Variants in NEO1 observed in about 807,000 individuals in gnomAD.
NEO1 encodes the protein neogenin 1, also known as neogenin.
Under a neutral mutation model 159.7 loss-of-function variants are expected in NEO1, and 63 were observed. The ratio of observed to expected loss-of-function variants is 0.39; its 90% CI spans 0.32 to 0.49. The LOEUF is 0.49. Among genes scored for constraint, NEO1 ranks in the 20% least tolerant of loss-of-function variants. The pLI, the probability that NEO1 is intolerant of heterozygous loss-of-function variation, is 0.85. For synonymous variants in NEO1, 633 were observed against 662.0 expected, an observed-to-expected ratio of 0.96 and a Z score of 0.67; for missense variants, 1,615 against 1,831.0, an observed-to-expected ratio of 0.88 and a Z score of 2.15.
chr15:73,176,538 G>A lies in NEO1; in HGVS notation c.1151G>A (p.Ser384Asn). The change falls in exon 6 of 29, where the codon AGT becomes AAT. Residue 384 changes from serine (S) to asparagine (N), a missense_variant. Ser to Asn is a conservative substitution (Grantham distance 46). Around this residue, in one of 3 missense-constraint regions of NEO1, gnomAD observed 1,018 missense variants for 1,115.4 expected, o/e 0.91. Transcript: ENST00000261908. ...WVKNGDMVIP[S>N]DYFKIVKEHN... The stretch of plus-strand genomic sequence containing the variant: ...AAAAATGGGGATATGGTTATCCCAA[G>A]TGATTATTTTAAGATTGTAGTAAGT... The A allele has an allele frequency of 6.2e-7, 1 of 1,608,482 alleles. No homozygotes were observed. The highest frequency in any genetic ancestry group is 1.1e-5 in the South Asian group (1 of 89,410).
chr15:73,180,502 T>G (rs1408688089), intron 7 of NEO1, among the ~76,000 whole-genome samples: 1 of 152,204 alleles, frequency 6.6e-6, no homozygotes, highest in Non-Finnish European at 1.5e-5. Flanking sequence ...GTAGATAGGC[T>G]TATTTCTTTT....
At chr15:73,198,127 A>G (rs907449490) in intron 7 of NEO1, among the ~76,000 whole-genome samples, 4 of 151,566 alleles carry the variant, frequency 2.6e-5, no homozygotes, top group African/African-American at 7.3e-5. Flanking sequence ...TTTTCTTTCT[A>G]TTTATCAAAT....
chr15:73,194,774 A>T (rs886756345), intron 7 of NEO1, among the ~76,000 whole-genome samples: 1 of 152,202 alleles, frequency 6.6e-6, no homozygotes, highest in Admixed American at 6.5e-5. Context: ...ACAAAAGAAG[A>T]TGGCACAAGA....
intron 1 of NEO1, among the ~76,000 whole-genome samples, chr15:73,058,685 T>C (rs1271410220): frequency 6.6e-6 from 1 of 152,204 alleles, no homozygotes; most frequent in East Asian, 1.9e-4. Context: ...TTGAAGGTTT[T>C]ACCACTTTTA....
intron 1 of NEO1, among the ~76,000 whole-genome samples, chr15:73,073,656 G>C (rs914303054): frequency 3.9e-5 from 6 of 152,118 alleles, no homozygotes; most frequent in Non-Finnish European, 8.8e-5. Flanking sequence ...CGAGAGGGAA[G>C]GAACATAAGA....
intron 23 of NEO1, among the ~76,000 whole-genome samples, chr15:73,283,755 C>G (rs1461150565): frequency 6.6e-6 from 1 of 152,310 alleles, no homozygotes; most frequent in East Asian, 1.9e-4. Context: ...TCTGTACATG[C>G]CCACAGTGAA....
intron 5 of NEO1, among the ~76,000 whole-genome samples, chr15:73,149,022 A>G (rs550905014): frequency 6.6e-6 from 1 of 152,070 alleles, no homozygotes; most frequent in Non-Finnish European, 1.5e-5. Context: ...GATGATTTCA[A>G]ATACAGAGTT....
intron 1 of NEO1, among the ~76,000 whole-genome samples, chr15:73,113,527 G>A (rs911082517): frequency 4.6e-5 from 7 of 152,104 alleles, no homozygotes; most frequent in Admixed American, 4.6e-4. Context: ...GGGAAACATG[G>A]CCACATCTGT....
At chr15:73,160,618 G>C (rs778579710) in intron 5 of NEO1, among the ~76,000 whole-genome samples, 3 of 152,122 alleles carry the variant, frequency 2.0e-5, no homozygotes, top group Non-Finnish European at 4.4e-5. Flanking sequence ...TAATTTGCTA[G>C]AGTGGCTCAC....
intron 3 of NEO1, among the ~76,000 whole-genome samples, chr15:73,125,175 G>A (rs549579547): frequency 4.1e-4 from 62 of 152,342 alleles, no homozygotes; most frequent in Admixed American, 1.3e-3. Flanking sequence ...AGGGAGAGTT[G>A]TGCTTGTCAA....
chr15:73,127,223 G>A (rs553515151), intron 4 of NEO1, among the ~76,000 whole-genome samples: 41 of 137,186 alleles, frequency 3.0e-4, no homozygotes, highest in African/African-American at 1.2e-3. Context: ...AGACCTAGAC[G>A]CCGTCTCAAA....
At chr15:73,264,461 T>C (rs1320241) in intron 15 of NEO1, among the ~76,000 whole-genome samples, 130,423 of 152,228 alleles carry the variant, frequency 0.86, 57,005 homozygotes, top group Non-Finnish European at 0.94. Context: ...GCGTTTGAAA[T>C]AGAGAGATGA....
At chr15:73,120,843 C>T (rs1213437804) in intron 2 of NEO1, among the ~76,000 whole-genome samples, 1 of 152,052 alleles carries the variant, frequency 6.6e-6, no homozygotes, top group Non-Finnish European at 1.5e-5. Context: ...TTTTGGTTCA[C>T]ATTTTATTTT....
At chr15:73,122,063 GTATATA>G (rs200219694) in intron 2 of NEO1, among the ~76,000 whole-genome samples, 9,429 of 126,170 alleles carry the variant, frequency 0.075, 604 homozygotes, top group African/African-American at 0.21. Flanking sequence ...GTGTGTGTGT[GTATATA>G]TATATATATA....
At position 73,302,896 on chromosome 15, in the gene NEO1, G is replaced by T; in HGVS notation, c.*200G>T. The T allele has an allele frequency of 1.9e-6, 1 of 533,484 alleles. No homozygotes were observed. 33.0% of individuals were successfully genotyped at this position (533,484 alleles called of 1,614,324 possible). A position where few individuals can be genotyped will look rare whatever the true frequency, so the allele number is the denominator to read the frequency against. On this transcript the variant is annotated 3_prime_UTR_variant, in exon 29 of 29. Coordinates refer to ENST00000261908, the MANE Select transcript of NEO1 (RefSeq NM_002499.4). Reference sequence around the variant, plus strand: ...CCTGGTCAGCCTGGAAGAAGCCTGTGTCGAGGCAGCTTCCCTTTGCCTGCT... The same window carrying T: ...CCTGGTCAGCCTGGAAGAAGCCTGTTTCGAGGCAGCTTCCCTTTGCCTGCT...
chr15:73,258,605 G>A (rs1303370101), intron 13 of NEO1, among the ~76,000 whole-genome samples, 161 bp from the exon 14 acceptor site: 1 of 152,204 alleles, frequency 6.6e-6, no homozygotes, highest in Non-Finnish European at 1.5e-5. Flanking sequence ...GCTACTCTAT[G>A]TTGTATTTGC....
Position 73,052,655 on chromosome 15 carries a change from C to T in NEO1, c.-21C>T. On this transcript the variant is annotated 5_prime_UTR_variant, in exon 1 of 29. Coordinates refer to ENST00000261908, the MANE Select transcript of NEO1 (RefSeq NM_002499.4). The stretch of plus-strand genomic sequence containing the variant: ...CTCCGCGGCGCTGTCGCCGCCGCTG[C>T]CGCTCACTCTCGGGGAAGAGATGGC... The T allele has an allele frequency of 1.6e-6, 2 of 1,275,030 alleles. No homozygotes were observed. The highest frequency in any genetic ancestry group is 1.6e-5 in the African/African-American group (1 of 63,128). The allele number at this position is 1,275,030 out of a possible 1,614,324, so 79.0% of individuals were successfully genotyped here. A position where few individuals can be genotyped will look rare whatever the true frequency, so the allele number is the denominator to read the frequency against.
intron 9 of NEO1, among the ~76,000 whole-genome samples, 195 bp downstream of exon 9, chr15:73,244,693 G>A (rs1424666718): frequency 6.6e-6 from 1 of 152,070 alleles, no homozygotes; most frequent in Admixed American, 6.5e-5. Flanking sequence ...GCTCATGCCT[G>A]TAATCCAAGC....
chr15:73,296,307 C>T (rs1189092291), intron 26 of NEO1, among the ~76,000 whole-genome samples: 2 of 152,126 alleles, frequency 1.3e-5, no homozygotes, highest in African/African-American at 4.8e-5. Context: ...CCAGCTCCTA[C>T]CCTGCCCAGC....
Sources: allele counts gnomAD v4.1 joint callset (sites outside exome capture counted in the v4.1 genomes callset), GRCh38; gene constraint gnomAD v4.1.1; regional missense constraint gnomAD v4.1.1; transcripts MANE v1.5; gene names NCBI Gene and HGNC (gene_info 2026-07-23, HGNC 2026-07-21).